The following LANCL2 variants were observed in gnomAD, a reference collection of about 807,000 sequenced individuals.
LANCL2 encodes the protein LanC like glutathione S-transferase 2, also known as lanC-like protein 2.
Under a neutral mutation model 56.9 loss-of-function variants are expected in LANCL2, and 33 were observed. The ratio of observed to expected loss-of-function variants is 0.58; its 90% CI spans 0.44 to 0.78. The LOEUF is 0.78. Among genes scored for constraint, LANCL2 ranks in the 30% least tolerant of loss-of-function variants. The pLI is 0.00. For missense variants in LANCL2, 562 were observed against 580.2 expected (o/e 0.97, Z 0.32); for synonymous variants, 233 against 228.2 (o/e 1.02, Z -0.19).
chr7:55,422,837 G>A (rs1790622857), intron 6 of LANCL2, among the ~76,000 whole-genome samples: 1 of 152,196 alleles, frequency 6.6e-6, no homozygotes, highest in South Asian at 2.1e-4. Context: ...CATCTTTGAA[G>A]ATATTTCTAG....
intron 1 of LANCL2, among the ~76,000 whole-genome samples, chr7:55,367,048 G>C (rs1789882713): frequency 6.6e-6 from 1 of 152,112 alleles, no homozygotes; most frequent in Non-Finnish European, 1.5e-5. Context: ...GAAGAAAAGG[G>C]GGCAGTTTAG....
At chr7:55,408,695 G>A (rs1583759123) in intron 5 of LANCL2, among the ~76,000 whole-genome samples, 1 of 150,726 alleles carries the variant, frequency 6.6e-6, no homozygotes, top group African/African-American at 2.4e-5. Context: ...AAAGAAATGA[G>A]GGACATAGTT....
intron 6 of LANCL2, among the ~76,000 whole-genome samples, chr7:55,416,218 T>C (rs1269498029): frequency 6.6e-6 from 1 of 152,212 alleles, no homozygotes; most frequent in Non-Finnish European, 1.5e-5. Context: ...CCAGGGTTGA[T>C]TAATGTTGCA....
intron 1 of LANCL2, among the ~76,000 whole-genome samples, chr7:55,375,806 A>C (rs1201388179): frequency 6.6e-6 from 1 of 152,160 alleles, no homozygotes; most frequent in Admixed American, 6.5e-5. Flanking sequence ...CTGTTGGCCA[A>C]ATCCAGTTCA....
intron 5 of LANCL2, among the ~76,000 whole-genome samples, chr7:55,408,521 T>C (rs931385350): frequency 2.0e-5 from 3 of 151,798 alleles, no homozygotes; most frequent in African/African-American, 7.3e-5. Context: ...TACAAAAAAT[T>C]ACCTGGGCCT....
intron 5 of LANCL2, among the ~76,000 whole-genome samples, chr7:55,408,595 G>A (rs1583759065): frequency 6.6e-6 from 1 of 152,016 alleles, no homozygotes; most frequent in African/African-American, 2.4e-5. Context: ...CTCGAACCCG[G>A]GAGGGAGAGA....
rs763610214 is a variant in LANCL2 at position 55,425,315 on chromosome 7, G to A, written c.1070G>A (p.Arg357Gln). The part of the protein sequence containing the change: ...AMECSDVIWQ[R>Q]GLLRKGYGIC... ...GAGTGTAGCGATGTGATTTGGCAGC[G>A]AGGTTTGCTGCGGAAGGGCTACGGG... The change falls in exon 7 of 9, where the codon CGA (arginine) becomes CAA (glutamine). Residue 357 changes from arginine to glutamine, a missense_variant. This residue lies in a region of LANCL2 where 378 missense variants were observed against 468.4 expected (regional missense o/e 0.81). Coordinates refer to ENST00000254770, the MANE Select transcript of LANCL2 (RefSeq NM_018697.4). 1.2e-5 allele frequency: 19 copies of A among 1,614,156 alleles called. No individual in the cohort carries two copies. Among genetic ancestry groups the A allele is most frequent in the East Asian group, 2.2e-5 (1 of 44,880 alleles).
intron 6 of LANCL2, among the ~76,000 whole-genome samples, chr7:55,420,908 T>A (rs1449512295): frequency 6.6e-6 from 1 of 152,242 alleles, no homozygotes; most frequent in African/African-American, 2.4e-5. Context: ...TTGCTTCATG[T>A]ATTTTGAGGC....
intron 5 of LANCL2, among the ~76,000 whole-genome samples, chr7:55,406,411 G>A (rs952205791): frequency 3.3e-5 from 5 of 150,470 alleles, no homozygotes; most frequent in East Asian, 1.9e-4. Context: ...GGTGGTTGTC[G>A]CTGGCAGTGC....
chr7:55,430,731 A>AC (rs1486898929), intron 8 of LANCL2, among the ~76,000 whole-genome samples: 1 of 151,976 alleles, frequency 6.6e-6, no homozygotes, highest in Non-Finnish European at 1.5e-5. Context: ...CACCTTCTCC[A>AC]CCCCACACCC....
intron 8 of LANCL2, 124 bp downstream of exon 8, chr7:55,428,571 G>T: frequency 1.3e-6 from 1 of 741,976 alleles, no homozygotes; most frequent in Non-Finnish European, 2.4e-6. Context: ...AAAATAATCA[G>T]CAGAGTAGCT....
chr7:55,404,653 G>A (rs1281136748), intron 5 of LANCL2, among the ~76,000 whole-genome samples: 1 of 149,210 alleles, frequency 6.7e-6, no homozygotes, highest in Non-Finnish European at 1.5e-5. Flanking sequence ...TTGCTTTGTC[G>A]CCCAGGCTGG....
intron 1 of LANCL2, among the ~76,000 whole-genome samples, chr7:55,391,417 A>G (rs77279094): frequency 1.3e-3 from 199 of 152,214 alleles, no homozygotes; most frequent in African/African-American, 4.6e-3. Context: ...GTTGATTTAT[A>G]TCTTATATTC....
intron 6 of LANCL2, among the ~76,000 whole-genome samples, chr7:55,414,860 T>C (rs1414372032): frequency 1.3e-5 from 2 of 151,182 alleles, no homozygotes; most frequent in East Asian, 3.9e-4. Context: ...GGCACGCACC[T>C]GTAGTCCCAG....
intron 6 of LANCL2, among the ~76,000 whole-genome samples, chr7:55,420,599 C>T (rs1044696324): frequency 9.2e-5 from 14 of 152,214 alleles, no homozygotes; most frequent in African/African-American, 2.7e-4. Context: ...CAGAGGTCAG[C>T]GAACTTCCTG....
chr7:55,420,642 T>C (rs182707046), intron 6 of LANCL2, among the ~76,000 whole-genome samples: 18 of 152,334 alleles, frequency 1.2e-4, no homozygotes, highest in Admixed American at 7.2e-4. Context: ...TTTAGGCTTG[T>C]GGTCCATGCA....
intron 6 of LANCL2, among the ~76,000 whole-genome samples, chr7:55,420,183 A>G (rs1406792353): frequency 6.6e-6 from 1 of 152,112 alleles, no homozygotes; most frequent in Non-Finnish European, 1.5e-5. Flanking sequence ...TTTTTTTCTA[A>G]TACAGGCATT....
In LANCL2 at chr7:55,365,847, G is replaced by A. The variant is rs1215556396; in HGVS notation, c.-179G>A. ...CACCGCCTCTGCGGCCGCCTGATGTGCGAGCAGCCCGCGACGAGGCAGTGC... is the reference window on the plus strand; with the variant it reads ...CACCGCCTCTGCGGCCGCCTGATGTACGAGCAGCCCGCGACGAGGCAGTGC... On this transcript the variant is annotated 5_prime_UTR_variant, in exon 1 of 9. Transcript: ENST00000254770. 8.5e-6 allele frequency: 4 copies of A among 469,332 alleles called. No homozygotes were observed. The highest frequency in any genetic ancestry group is 3.5e-5 in the East Asian group (1 of 28,202). The allele number at this position is 469,332 out of a possible 1,614,324, so 29.1% of individuals were successfully genotyped here.
chr7:55,402,403 GGGGCGGCTGGCC>G (rs1790345196), intron 5 of LANCL2, among the ~76,000 whole-genome samples: 1 of 117,526 alleles, frequency 8.5e-6, no homozygotes, highest in Admixed American at 7.8e-5. Context: ...CCTCCCGGAC[GGGGCGGCTGGCC>G]GGGCGGGGGG....
Sources: gnomAD v4.1 joint callset for allele counts (sites outside exome capture counted in the v4.1 genomes callset) on GRCh38, gnomAD v4.1.1 for gene constraint, gnomAD v4.1.1 regional missense constraint, MANE v1.5 for transcripts, NCBI Gene and HGNC (gene_info 2026-07-23, HGNC 2026-07-21) for gene names.